Variants in EPHB6 observed in about 807,000 individuals in gnomAD.
EPHB6 encodes the protein ephrin type-B receptor 6.
In EPHB6, 51 loss-of-function variants were observed where a neutral mutation model predicts 107.0. The ratio of observed to expected loss-of-function variants is 0.48; its 90% CI spans 0.38 to 0.60. The LOEUF is 0.60. EPHB6 is among the 20% of genes least tolerant of loss of function. EPHB6 has a pLI of 0.00. For missense variants in EPHB6, 1,141 were observed against 1,355.5 expected, an observed-to-expected ratio of 0.84 and a Z score of 2.48; for synonymous variants, 553 against 549.0, an observed-to-expected ratio of 1.01 and a Z score of -0.10.
chr7:142,858,682 G>C (rs1237010785), intron 1 of EPHB6, among the ~76,000 whole-genome samples: 1 of 146,898 alleles, frequency 6.8e-6, no homozygotes, highest in African/African-American at 2.5e-5. Flanking sequence ...TCCTGATCTT[G>C]TGATCCGCCC....
At chr7:142,870,083 G>A in intron 17 of EPHB6, 117 bp downstream of exon 17, 1 of 1,587,744 alleles carries the variant, frequency 6.3e-7, no homozygotes, top group Non-Finnish European at 8.6e-7. Context: ...CTGTTGGATT[G>A]CCATATCTTT....
rs1024734265 is a variant in EPHB6 at position 142,865,612 on chromosome 7, C to T, written c.1087C>T (p.Pro363Ser). ...CTTCTACCGGGCCAGTTCCGACCCA[C>T]CAGAGGCCCCCTGCACTGGTGAGTT... ...EGFYRASSDP[P>S]EAPCTGPPSA... Residue 363 changes from proline (P) to serine (S), a missense_variant, in exon 8 of 20, where the codon CCA (proline) becomes TCA (serine). Pro to Ser is a moderately conservative substitution (Grantham distance 74). Coordinates refer to ENST00000652003, the MANE Select transcript of EPHB6 (RefSeq NM_004445.6). 1.9e-6 allele frequency: 3 copies of T among 1,613,602 alleles called. No individual in the cohort carries two copies. The highest frequency in any genetic ancestry group is 8.5e-7 in the Non-Finnish European group (1 of 1,179,986).
chr7:142,857,771 C>A (rs1181508599), intron 1 of EPHB6, among the ~76,000 whole-genome samples: 2 of 152,234 alleles, frequency 1.3e-5, no homozygotes, highest in Non-Finnish European at 2.9e-5. Flanking sequence ...ATAGCCTCAT[C>A]CCTTTGCTTG....
rs985541610 is a variant in EPHB6, at chr7:142,869,285, T to A, written c.2460+138T>A. ...GTCCCTGAAAGGAGGGAGGCTCTCC[T>A]GTGTGATGGGGAGATGAAAGCCTAG... On this transcript the variant is annotated intron_variant, in intron 16 of 19. Coordinates refer to ENST00000652003, the MANE Select transcript of EPHB6 (RefSeq NM_004445.6). This position sits in a 1 kb window ranked among gnomAD's most constrained non-coding sequence, Gnocchi z 4.5. 25 of 996,958 alleles carry A rather than the reference T, an allele frequency of 2.5e-5. No individual in the cohort carries two copies. Among genetic ancestry groups the A allele is most frequent in the South Asian group, 2.4e-4 (16 of 65,700 alleles). 61.8% of individuals were successfully genotyped at this position (996,958 alleles called of 1,614,324 possible).
intron 1 of EPHB6, among the ~76,000 whole-genome samples, chr7:142,858,297 G>A (rs894523835): frequency 9.2e-5 from 14 of 151,836 alleles, no homozygotes; most frequent in African/African-American, 3.4e-4. Flanking sequence ...TGTGGATTGA[G>A]GTGCATAAAC....
chr7:142,868,347 G>C lies in EPHB6; in HGVS notation c.2025G>C (p.Glu675Asp). ...EVDPAYIKIEEVIGTGSFGEV... is the reference protein window; with the variant it reads ...EVDPAYIKIEDVIGTGSFGEV... ...ATCCTGCTTATATCAAGATTGAGGA[G>C]GTCATTGGGACAGGTACAGCAGGGC... The change falls in exon 14 of 20, where the codon GAG becomes GAC. Residue 675 changes from glutamate to aspartate, a missense_variant. Transcript: ENST00000652003. This position sits in a 1 kb window ranked among gnomAD's most constrained non-coding sequence, Gnocchi z 4.2. 6.2e-7 allele frequency: 1 copy of C among 1,614,146 alleles called. No homozygotes were observed. The highest frequency in any genetic ancestry group is 8.5e-7 in the Non-Finnish European group (1 of 1,180,020).
In EPHB6 at chr7:142,863,280, G is replaced by A. The variant is rs2116407857; in HGVS notation, c.53G>A (p.Cys18Tyr). 4 of 1,613,826 alleles carry A rather than the reference G, an allele frequency of 2.5e-6. No homozygotes were observed. Among genetic ancestry groups the A allele is most frequent in the Non-Finnish European group, 3.4e-6 (4 of 1,179,916 alleles). Reference sequence around the variant, plus strand: ...GGGAACAGAGTGGCGGGCATGGTGTGTAGCCTATGGGTGCTGCTCCTGGTG... The same window carrying A: ...GGGAACAGAGTGGCGGGCATGGTGTATAGCCTATGGGTGCTGCTCCTGGTG... ...QLGNRVAGMV[C>Y]SLWVLLLVSS... is the part of the protein sequence containing the mutation. The change falls in exon 5 of 20, where the codon TGT becomes TAT. Residue 18 changes from cysteine (C) to tyrosine (Y), a missense_variant. This residue lies in a region of EPHB6 where 221 missense variants were observed against 300.5 expected (regional missense o/e 0.74). Coordinates refer to ENST00000652003, the MANE Select transcript of EPHB6 (RefSeq NM_004445.6).
At chr7:142,862,909 T>G in intron 4 of EPHB6, 76 bp downstream of exon 4, 1 of 337,940 alleles carries the variant, frequency 3.0e-6, no homozygotes, top group African/African-American at 2.1e-5. Flanking sequence ...AGAGACAGGG[T>G]CACACAGGGA....
chr7:142,868,477 C>T lies in EPHB6; in HGVS notation c.2039-15C>T. 2 of 1,614,168 alleles carry T rather than the reference C, an allele frequency of 1.2e-6. No individual in the cohort carries two copies. Among genetic ancestry groups the T allele is most frequent in the Non-Finnish European group, 1.7e-6 (2 of 1,180,044 alleles). On this transcript the variant is annotated splice_polypyrimidine_tract_variant and intron_variant, in intron 14 of 19. Coordinates refer to ENST00000652003, the MANE Select transcript of EPHB6 (RefSeq NM_004445.6). This position sits in a 1 kb window ranked among gnomAD's most constrained non-coding sequence, Gnocchi z 4.2. ...GAGCCTTGATCCCCACCCCAACCTA[C>T]ACCTATTTTCCCAGGCTCTTTTGGA...
At chr7:142,856,830 C>T (rs998430469) in intron 1 of EPHB6, among the ~76,000 whole-genome samples, 1 of 152,166 alleles carries the variant, frequency 6.6e-6, no homozygotes, top group Non-Finnish European at 1.5e-5. Context: ...CACTGATGTG[C>T]ATCTTCTGCC....
Position 142,866,095 on chromosome 7 carries a change from G to A in EPHB6, c.1241G>A (p.Arg414His), listed in dbSNP as rs746555407. The A allele has an allele frequency of 6.5e-5, 105 of 1,611,784 alleles. No homozygotes were observed. The highest frequency in any genetic ancestry group is 1.6e-4 in the Middle Eastern group (1 of 6,082). ...FNVVCKECEG[R>H]QEPASGGGGT... ...GTCGTGTGCAAGGAGTGTGAAGGCC[G>A]CCAGGAACCTGCCAGCGGTGGTGGG... The change falls in exon 9 of 20, where the codon CGC becomes CAC. Residue 414 changes from arginine (R) to histidine (H), a missense_variant. Physicochemically the swap from Arg to His is conservative, Grantham distance 29. Transcript: ENST00000652003. This position sits in a 1 kb window ranked among gnomAD's most constrained non-coding sequence, Gnocchi z 5.2.
At chr7:142,862,154 C>T (rs750290640) in intron 3 of EPHB6, 21 bp downstream of exon 3, 1 of 152,114 alleles carries the variant, frequency 6.6e-6, no homozygotes, top group Non-Finnish European at 1.5e-5. Flanking sequence ...CCTTTGGGGT[C>T]TCTTTCATCT....
At position 142,868,385 on chromosome 7, in the gene EPHB6, C is replaced by A. The variant is rs1794720224; in HGVS notation, c.2038+25C>A. On this transcript the variant is annotated intron_variant, in intron 14 of 19. Transcript: ENST00000652003. The surrounding 1 kb of genome is among the most constrained non-coding windows in gnomAD (Gnocchi z 4.2). ...GGTACAGCAGGGCCAAAGCAGGGAT[C>A]AGAGCGACGGGGCTCCCTTGTGGCC... is the stretch of plus-strand genomic sequence containing the variant. 1 of 1,613,856 alleles carries A rather than the reference C, an allele frequency of 6.2e-7. No individual in the cohort carries two copies. Among genetic ancestry groups the A allele is most frequent in the Non-Finnish European group, 8.5e-7 (1 of 1,179,884 alleles).
intron 1 of EPHB6, among the ~76,000 whole-genome samples, chr7:142,856,372 T>TG (rs1802613931): frequency 6.6e-6 from 1 of 152,106 alleles, no homozygotes; most frequent in Non-Finnish European, 1.5e-5. Flanking sequence ...AAGATTAGCG[T>TG]GGGGGTGTCT....
intron 1 of EPHB6, among the ~76,000 whole-genome samples, chr7:142,858,693 A>C (rs1802719549): frequency 6.8e-6 from 1 of 147,994 alleles, no homozygotes; most frequent in Non-Finnish European, 1.5e-5. Flanking sequence ...TGATCCGCCC[A>C]CCTTGGCCTC....
At position 142,855,298 on chromosome 7, in the gene EPHB6, G is replaced by C. The variant is rs748827419; in HGVS notation, c.-519G>C. On this transcript the variant is annotated 5_prime_UTR_variant, in exon 1 of 20. Coordinates refer to ENST00000652003, the MANE Select transcript of EPHB6 (RefSeq NM_004445.6). This position sits in a 1 kb window ranked among gnomAD's most constrained non-coding sequence, Gnocchi z 4.2. Reference sequence around the variant, plus strand: ...GGGGTCCCCGGACTGGAGAAGACGCGGGTGGCACCGTGCGAGCTCCAGGAG... The same window carrying C: ...GGGGTCCCCGGACTGGAGAAGACGCCGGTGGCACCGTGCGAGCTCCAGGAG... 2 of 152,214 alleles carry C rather than the reference G, an allele frequency of 1.3e-5. No individual in the cohort carries two copies. The highest frequency in any genetic ancestry group is 2.9e-5 in the Non-Finnish European group (2 of 68,058). The allele number at this position is 152,214 out of a possible 1,614,324, so 9.4% of individuals were successfully genotyped here.
intron 1 of EPHB6, among the ~76,000 whole-genome samples, chr7:142,859,276 C>T (rs1802744161): frequency 6.6e-6 from 1 of 152,214 alleles, no homozygotes; most frequent in Non-Finnish European, 1.5e-5. Flanking sequence ...CTGGGATGCT[C>T]TCCTGGACCA....
rs1333491540 is a variant in EPHB6 at position 142,869,248 on chromosome 7, C to T, written c.2460+101C>T. 3.7e-6 allele frequency: 5 copies of T among 1,356,314 alleles called. No individual in the cohort carries two copies. The highest frequency in any genetic ancestry group is 3.1e-6 in the Non-Finnish European group (3 of 970,156). 84.0% of individuals were successfully genotyped at this position (1,356,314 alleles called of 1,614,324 possible). ...TGGAATCTGGGGTAGGTACCTCAGC[C>T]GGGGTGTCATAGTCCCTGAAAGGAG... is the stretch of plus-strand genomic sequence containing the variant. On this transcript the variant is annotated intron_variant, in intron 16 of 19. Transcript: ENST00000652003. The surrounding 1 kb of genome is among the most constrained non-coding windows in gnomAD (Gnocchi z 4.5).
At chr7:142,865,721 T>C in intron 8 of EPHB6, 91 bp downstream of exon 8, 1 of 1,522,618 alleles carries the variant, frequency 6.6e-7, no homozygotes, top group South Asian at 1.2e-5. Context: ...CTCTTTGCAT[T>C]TGGAGTGACT....
Sources: gnomAD v4.1 joint callset for allele counts (sites outside exome capture counted in the v4.1 genomes callset) on GRCh38, gnomAD v4.1.1 for gene constraint, gnomAD v4.1.1 regional missense constraint, Gnocchi (gnomAD v3.1) non-coding constraint, MANE v1.5 for transcripts, NCBI Gene and HGNC (gene_info 2026-07-23, HGNC 2026-07-21) for gene names.